DLGAP1: variants seen among roughly 807,000 people sequenced by gnomAD.
DLGAP1 encodes disks large-associated protein 1.
A neutral mutation model predicts 90.8 loss-of-function variants in DLGAP1; 11 were observed. That is an observed-to-expected ratio of 0.12 (90% CI 0.08 to 0.20). DLGAP1 has a LOEUF of 0.20. Among genes scored for constraint, DLGAP1 ranks in the 10% least tolerant of loss-of-function variants. The pLI, the probability that DLGAP1 is intolerant of heterozygous loss-of-function variation, is 1.00. For synonymous variants in DLGAP1, 558 were observed against 540.7 expected (o/e 1.03, Z -0.44); for missense variants, 1,050 against 1,333.8 (o/e 0.79, Z 3.31).
chr18:3,733,188 T>C (rs1241973103), intron 6 of DLGAP1, among the ~76,000 whole-genome samples: 2 of 152,210 alleles, frequency 1.3e-5, no homozygotes, highest in Admixed American at 1.3e-4. Flanking sequence ...TTTTACATAG[T>C]TGTGCTATAT....
intron 5 of DLGAP1, among the ~76,000 whole-genome samples, chr18:3,762,524 A>ATT (rs58069194): frequency 2.6e-5 from 4 of 151,542 alleles, no homozygotes; most frequent in East Asian, 1.9e-4. Flanking sequence ...ATTTTGATAG[A>ATT]TTTTTTTTTC....
intron 1 of DLGAP1, among the ~76,000 whole-genome samples, chr18:4,396,784 G>C (rs1277414795): frequency 6.6e-6 from 1 of 152,210 alleles, no homozygotes. Flanking sequence ...GAGAGGGTGA[G>C]CATGCTGGAG....
chr18:3,748,650 C>T (rs1033581474), intron 5 of DLGAP1, among the ~76,000 whole-genome samples: 4 of 152,136 alleles, frequency 2.6e-5, no homozygotes, highest in African/African-American at 7.2e-5. Context: ...CAAAAATGAA[C>T]GTATTTGGCC....
chr18:3,784,153 G>A (rs1427522844), intron 5 of DLGAP1, among the ~76,000 whole-genome samples: 1 of 152,018 alleles, frequency 6.6e-6, no homozygotes, highest in Non-Finnish European at 1.5e-5. Flanking sequence ...GTGTATGTTT[G>A]CAAATCCATG....
Position 4,188,719 on chromosome 18 carries a change from C to T in DLGAP1, c.-266-37432G>A, listed in dbSNP as rs367743354. Among the ~76,000 whole-genome samples the T allele has an allele frequency of 1.4e-4, 22 of 152,214 alleles. 1 individual carries two copies. Among genetic ancestry groups the T allele is most frequent in the African/African-American group, 4.1e-4 (17 of 41,554 alleles). On this transcript the variant is annotated intron_variant, in intron 1 of 12. Transcript: ENST00000315677. ...TTTCCTTTATCCAGCCAGTCATTGA[C>T]GGGCATTTGGATTGGTTCCAAGTCT...
At chr18:4,254,456 C>T (rs1337113357) in intron 1 of DLGAP1, among the ~76,000 whole-genome samples, 3 of 152,134 alleles carry the variant, frequency 2.0e-5, no homozygotes, top group African/African-American at 4.8e-5. Flanking sequence ...CTGAGATAGC[C>T]GGTTGTTCTT....
intron 1 of DLGAP1, among the ~76,000 whole-genome samples, chr18:4,265,132 T>TTCCTTCCTTCCTTCC (rs374042304): frequency 1.4e-5 from 2 of 145,510 alleles, no homozygotes; most frequent in African/African-American, 2.6e-5. Context: ...CCTTCCTTCC[T>TTCCTTCCTTCCTTCC]TTCCTCCCTC....
At chr18:4,035,978 C>CTCTTGGACACTTAGTGA (rs1568363187) in intron 2 of DLGAP1, among the ~76,000 whole-genome samples, 71 of 152,060 alleles carry the variant, frequency 4.7e-4, no homozygotes, top group African/African-American at 1.7e-3. Context: ...ACTAAGTGTC[C>CTCTTGGACACTTAGTGA]AAGAGGACAC....
chr18:3,549,325 TTC>T (rs1053579088), intron 9 of DLGAP1, among the ~76,000 whole-genome samples: 1 of 146,864 alleles, frequency 6.8e-6, no homozygotes, highest in Non-Finnish European at 1.5e-5. Context: ...ATTCCTCACT[TTC>T]TCTCTCTCTC....
chr18:3,534,677 CCTTCCTTCCTTT>C, intron 9 of DLGAP1, 62 bp from the exon 10 acceptor site: 2 of 1,361,026 alleles, frequency 1.5e-6, no homozygotes, highest in South Asian at 3.0e-5. Flanking sequence ...TTCCTTCCTT[CCTTCCTTCCTTT>C]CTTTCTTTTT....
chr18:4,003,437 G>T (rs887624268), intron 3 of DLGAP1, among the ~76,000 whole-genome samples: 148 of 130,272 alleles, frequency 1.1e-3, no homozygotes, highest in Middle Eastern at 4.3e-3. Context: ...TAATATCATT[G>T]TTTTTTTTTT....
intron 7 of DLGAP1, chr18:3,597,561 G>A (rs1032218743): frequency 3.6e-6 from 1 of 276,710 alleles, no homozygotes; most frequent in Non-Finnish European, 7.0e-6. Flanking sequence ...CTTCAGCGTG[G>A]ATTCATCAGT....
intron 1 of DLGAP1, among the ~76,000 whole-genome samples, chr18:4,235,719 C>CTTTTTTTTTTTTT (rs1175101805): frequency 6.2e-5 from 5 of 80,270 alleles, no homozygotes; most frequent in African/African-American, 1.0e-4. Flanking sequence ...ATTTCAATGT[C>CTTTTTTTTTTTTT]TTTTTTTTTT....
intron 1 of DLGAP1, among the ~76,000 whole-genome samples, chr18:4,231,233 T>C (rs1030298707): frequency 1.3e-5 from 2 of 152,142 alleles, no homozygotes; most frequent in Non-Finnish European, 2.9e-5. Context: ...TAAGCATATT[T>C]AAAATATGAC....
chr18:4,036,310 T>A (rs781705065), intron 2 of DLGAP1, among the ~76,000 whole-genome samples: 1 of 152,200 alleles, frequency 6.6e-6, no homozygotes, highest in Non-Finnish European at 1.5e-5. Flanking sequence ...GCACTGCATT[T>A]TGAAATGCAG....
At chr18:3,525,620 C>T (rs2051565526) in intron 10 of DLGAP1, among the ~76,000 whole-genome samples, 2 of 152,162 alleles carry the variant, frequency 1.3e-5, no homozygotes, top group South Asian at 4.1e-4. Context: ...AGGCTGGTCT[C>T]CAACTCCTGA....
At chr18:4,194,210 A>G (rs548836311) in intron 1 of DLGAP1, among the ~76,000 whole-genome samples, 2 of 152,142 alleles carry the variant, frequency 1.3e-5, no homozygotes, top group East Asian at 1.9e-4. Flanking sequence ...CTTTATGCCC[A>G]TGAGTACCCA....
In DLGAP1 at chr18:4,225,546, A is replaced by G. The variant is rs554329815; in HGVS notation, c.-266-74259T>C. Among the ~76,000 whole-genome samples the G allele has an allele frequency of 2.6e-5, 4 of 152,248 alleles. No homozygotes were observed. The Middle Eastern group carries it at 0.014, about 518-fold the overall frequency. ...ATAGCTTTTTTGAGGAAACTCAATG[A>G]AATTCAAGGAAACGCAGAGAAGGAA... On this transcript the variant is annotated intron_variant, in intron 1 of 12. Transcript: ENST00000315677.
intron 7 of DLGAP1, among the ~76,000 whole-genome samples, chr18:3,635,158 T>C (rs1462588189): frequency 5.1e-4 from 73 of 142,128 alleles, no homozygotes; most frequent in African/African-American, 1.7e-3. Flanking sequence ...TGAGAGGGAG[T>C]CTCGCTCTTT....
Sources: allele counts gnomAD v4.1 joint callset (sites outside exome capture counted in the v4.1 genomes callset), GRCh38; gene constraint gnomAD v4.1.1; transcripts MANE v1.5; gene names NCBI Gene and HGNC (gene_info 2026-07-23, HGNC 2026-07-21).